The following LMNTD1 variants were observed in gnomAD, a reference collection of about 807,000 sequenced individuals.
LMNTD1 encodes lamin tail domain-containing protein 1.
Under a neutral mutation model 50.9 loss-of-function variants are expected in LMNTD1, and 35 were observed. The observed-to-expected ratio is 0.69, with a 90% confidence interval of 0.53 to 0.91. The LOEUF is 0.91. Ranked by LOEUF, LMNTD1 falls within the 40% of genes least tolerant of loss-of-function variation. The probability of loss-of-function intolerance (pLI) is 0.00; values close to 1 mark genes in which losing one functional copy is unlikely to be tolerated. For missense variants in LMNTD1, 470 were observed against 475.5 expected, an observed-to-expected ratio of 0.99 and a Z score of 0.11; for synonymous variants, 153 against 161.9, an observed-to-expected ratio of 0.94 and a Z score of 0.42.
At chr12:25,569,080 C>G (rs1031375762) in intron 1 of LMNTD1, among the ~76,000 whole-genome samples, 31 of 152,256 alleles carry the variant, frequency 2.0e-4, no homozygotes, top group African/African-American at 7.5e-4. Context: ...AGCTTGCCCT[C>G]TGTGCCTAGA....
At chr12:25,646,131 T>G (rs1947064911) in intron 1 of LMNTD1, among the ~76,000 whole-genome samples, 1 of 152,144 alleles carries the variant, frequency 6.6e-6, no homozygotes, top group Non-Finnish European at 1.5e-5. Context: ...GGTTAATTTT[T>G]TTTAAATAAA....
chr12:25,588,448 A>T (rs1416162559), intron 1 of LMNTD1, among the ~76,000 whole-genome samples: 1 of 152,194 alleles, frequency 6.6e-6, no homozygotes, highest in African/African-American at 2.4e-5. Context: ...CTATGAAATC[A>T]TGCTTTCACA....
At chr12:25,604,411 A>C (rs907146721) in intron 1 of LMNTD1, among the ~76,000 whole-genome samples, 1 of 152,028 alleles carries the variant, frequency 6.6e-6, no homozygotes, top group Non-Finnish European at 1.5e-5. Flanking sequence ...GGTTTGTTAC[A>C]TATGTATACA....
intron 1 of LMNTD1, 27 bp downstream of exon 1, chr12:25,553,042 A>G: frequency 6.2e-7 from 1 of 1,608,476 alleles, no homozygotes; most frequent in South Asian, 1.1e-5. Context: ...GGTTCAAGGC[A>G]GATTTTTCTT....
chr12:25,551,269 A>C (rs537540892), intron 2 of LMNTD1, among the ~76,000 whole-genome samples: 4 of 152,370 alleles, frequency 2.6e-5, no homozygotes, highest in African/African-American at 7.2e-5. Context: ...AGCACTTTAA[A>C]ATAAATTTAA....
chr12:25,600,147 A>T (rs1945930350), intron 1 of LMNTD1, among the ~76,000 whole-genome samples: 1 of 151,944 alleles, frequency 6.6e-6, no homozygotes, highest in Non-Finnish European at 1.5e-5. Flanking sequence ...AAATCCACAC[A>T]CCTACAGCGA....
chr12:25,561,145 A>G (rs1485699293), intron 1 of LMNTD1, among the ~76,000 whole-genome samples: 1 of 152,044 alleles, frequency 6.6e-6, no homozygotes, highest in Non-Finnish European at 1.5e-5. Flanking sequence ...TATCTCCTTC[A>G]GTTCTGCTCT....
chr12:25,571,803 G>T (rs1030272396), intron 1 of LMNTD1, among the ~76,000 whole-genome samples: 4 of 152,090 alleles, frequency 2.6e-5, no homozygotes, highest in Non-Finnish European at 5.9e-5. Context: ...TCAAGTAGTT[G>T]GGATTACAGG....
At chr12:25,615,856 A>AT (rs1946342495) in intron 1 of LMNTD1, among the ~76,000 whole-genome samples, 1 of 152,204 alleles carries the variant, frequency 6.6e-6, no homozygotes, top group Non-Finnish European at 1.5e-5. Flanking sequence ...ACTAAAGTAG[A>AT]TTTTTTAAAA....
At chr12:25,573,216 C>T (rs1944867234) in intron 1 of LMNTD1, among the ~76,000 whole-genome samples, 1 of 152,040 alleles carries the variant, frequency 6.6e-6, no homozygotes, top group South Asian at 2.1e-4. Flanking sequence ...TATCTTCAAC[C>T]ATTACATCTT....
chr12:25,552,079 C>T (rs1418092428), intron 2 of LMNTD1, among the ~76,000 whole-genome samples: 14 of 151,588 alleles, frequency 9.2e-5, no homozygotes, highest in Admixed American at 9.2e-4. Context: ...CTTGTAGGTC[C>T]AAAGTAACAA....
Position 25,519,260 on chromosome 12 carries a change from T to C in LMNTD1, c.1017-293A>G, listed in dbSNP as rs79364710. Among the ~76,000 whole-genome samples, 707 of 152,272 alleles carry C rather than the reference T, an allele frequency of 4.6e-3. 3 individuals carry two copies. The highest frequency in any genetic ancestry group is 7.7e-3 in the South Asian group (37 of 4,816). ...TGGGGATACCTCACCTTTTCACCTCTCTGCAGCAGCCTTGCCTCTAATAAC... is the reference window on the plus strand; with the variant it reads ...TGGGGATACCTCACCTTTTCACCTCCCTGCAGCAGCCTTGCCTCTAATAAC... On this transcript the variant is annotated intron_variant, in intron 7 of 9. Coordinates refer to ENST00000458174, the MANE Select transcript of LMNTD1 (RefSeq NM_001145728.2).
chr12:25,520,062 T>C lies in LMNTD1; in HGVS notation c.812A>G (p.Tyr271Cys), dbSNP rs200691175. 6.2e-7 allele frequency: 1 copy of C among 1,609,920 alleles called. No individual in the cohort carries two copies. The highest frequency in any genetic ancestry group is 1.3e-5 in the African/African-American group (1 of 74,596). The change falls in exon 7 of 10, where the codon TAC (tyrosine) becomes TGC (cysteine). Residue 271 changes from tyrosine (Y) to cysteine (C), a missense_variant. Coordinates refer to ENST00000458174, the MANE Select transcript of LMNTD1 (RefSeq NM_001145728.2). ...CGCTTGCTTCCAGTGGATAGGGGTG[T>C]ACCACGCAATGGCCTAATGAAAATG... is the stretch of plus-strand genomic sequence containing the variant. ...CKPNGQAIAW[Y>C]TPIHWKQAWE...
chr12:25,626,157 A>G (rs1459610367), intron 1 of LMNTD1, among the ~76,000 whole-genome samples: 1 of 152,142 alleles, frequency 6.6e-6, no homozygotes, highest in East Asian at 1.9e-4. Context: ...CAGCTATTCG[A>G]TTAGCCTTTC....
At chr12:25,643,818 T>TA in intron 1 of LMNTD1, among the ~76,000 whole-genome samples, 1 of 151,782 alleles carries the variant, frequency 6.6e-6, no homozygotes, top group East Asian at 1.9e-4. Flanking sequence ...AGGTACCAGG[T>TA]AGTTAGTTGA....
chr12:25,554,238 C>G (rs1365211282), upstream of LMNTD1, among the ~76,000 whole-genome samples: 1 of 152,230 alleles, frequency 6.6e-6, no homozygotes, highest in African/African-American at 2.4e-5. Context: ...TTGTCACTCT[C>G]CCAGTCTCCC....
At chr12:25,527,756 A>ATGTG (rs1941920410) in intron 4 of LMNTD1, among the ~76,000 whole-genome samples, 1 of 143,284 alleles carries the variant, frequency 7.0e-6, no homozygotes. Flanking sequence ...ATGTATATCT[A>ATGTG]TGTCTATGTT....
intron 3 of LMNTD1, among the ~76,000 whole-genome samples, chr12:25,548,546 G>A (rs1490276334): frequency 6.6e-6 from 1 of 151,904 alleles, no homozygotes; most frequent in African/African-American, 2.4e-5. Flanking sequence ...CTTTAGGATA[G>A]CCCTGTGACA....
At chr12:25,515,653 T>C (rs1351159558) in intron 8 of LMNTD1, among the ~76,000 whole-genome samples, 1 of 152,154 alleles carries the variant, frequency 6.6e-6, no homozygotes, top group South Asian at 2.1e-4. Flanking sequence ...TTTAACATTA[T>C]ACTTGCTGTA....
Sources: allele counts gnomAD v4.1 joint callset (sites outside exome capture counted in the v4.1 genomes callset), GRCh38; gene constraint gnomAD v4.1.1; transcripts MANE v1.5; gene names NCBI Gene and HGNC (gene_info 2026-07-23, HGNC 2026-07-21).